TMEM132D: variants seen among roughly 807,000 people sequenced by gnomAD.
TMEM132D encodes the protein mature OL transmembrane protein.
Under a neutral mutation model 62.3 loss-of-function variants are expected in TMEM132D, and 21 were observed. That is an observed-to-expected ratio of 0.34 (90% CI 0.24 to 0.49). The LOEUF (loss-of-function observed/expected upper bound fraction) is 0.49, where lower values mean the gene tolerates loss of function less well. Among genes scored for constraint, TMEM132D ranks in the 20% least tolerant of loss-of-function variants. The pLI is 0.99. For missense variants in TMEM132D, 1,346 were observed against 1,402.8 expected (o/e 0.96, Z 0.65); for synonymous variants, 621 against 575.6 (o/e 1.08, Z -1.13).
chr12:129,519,245 G>C (rs1593048173), intron 3 of TMEM132D, among the ~76,000 whole-genome samples: 1 of 152,104 alleles, frequency 6.6e-6, no homozygotes, highest in East Asian at 1.9e-4. Context: ...GTCCTTCAAT[G>C]TTGAACCTCG....
intron 3 of TMEM132D, among the ~76,000 whole-genome samples, chr12:129,490,594 T>G (rs1874752197): frequency 1.9e-5 from 2 of 105,190 alleles, no homozygotes; most frequent in Non-Finnish European, 3.7e-5. Context: ...CACGCCCGGC[T>G]AATTTTTTTT....
intron 2 of TMEM132D, among the ~76,000 whole-genome samples, chr12:129,668,423 G>T (rs1880427413): frequency 2.0e-5 from 3 of 151,308 alleles, no homozygotes; most frequent in Non-Finnish European, 1.5e-5. Flanking sequence ...TCTTGCTTTG[G>T]TCCTTTTCAA....
chr12:129,811,000 T>C (rs1300129074), intron 1 of TMEM132D, among the ~76,000 whole-genome samples: 4 of 151,888 alleles, frequency 2.6e-5, no homozygotes, highest in Non-Finnish European at 5.9e-5. Context: ...TCAACACAAC[T>C]AAAATAAAAG....
chr12:129,305,320 A>T (rs1292020005), intron 4 of TMEM132D, among the ~76,000 whole-genome samples: 2 of 152,190 alleles, frequency 1.3e-5, no homozygotes, highest in Non-Finnish European at 2.9e-5. Context: ...AACAAATTCA[A>T]CACTCTCCTG....
chr12:129,358,045 G>C (rs10847836), intron 3 of TMEM132D, among the ~76,000 whole-genome samples: 3 of 151,916 alleles, frequency 2.0e-5, no homozygotes, highest in African/African-American at 4.8e-5. Context: ...AGTCAAATAT[G>C]CATGATCCTT....
At chr12:129,544,424 A>C (rs962944098) in intron 2 of TMEM132D, among the ~76,000 whole-genome samples, 2 of 152,244 alleles carry the variant, frequency 1.3e-5, no homozygotes, top group African/African-American at 4.8e-5. Flanking sequence ...TGATTCATCC[A>C]GTACCTGTTG....
intron 5 of TMEM132D, chr12:129,110,610 C>T (rs1178771704): frequency 6.6e-6 from 1 of 152,188 alleles, no homozygotes; most frequent in Non-Finnish European, 1.5e-5. Flanking sequence ...TAAGCACCTC[C>T]CTCCCCCTGA....
intron 1 of TMEM132D, among the ~76,000 whole-genome samples, chr12:129,824,862 C>A (rs1257529392): frequency 6.6e-6 from 1 of 152,180 alleles, no homozygotes; most frequent in East Asian, 1.9e-4. Flanking sequence ...CACTATCTGG[C>A]AAGTATTTCT....
At chr12:129,516,592 C>G (rs1478811276) in intron 3 of TMEM132D, among the ~76,000 whole-genome samples, 1 of 152,078 alleles carries the variant, frequency 6.6e-6, no homozygotes, top group Non-Finnish European at 1.5e-5. Flanking sequence ...GAGGAAACTG[C>G]CCCCATGATT....
intron 5 of TMEM132D, among the ~76,000 whole-genome samples, chr12:129,103,847 C>A (rs1252017587): frequency 6.6e-6 from 1 of 152,076 alleles, no homozygotes; most frequent in Non-Finnish European, 1.5e-5. Context: ...AGGTGAAGGA[C>A]CTCTTCAAGG....
At chr12:129,155,368 G>C (rs1877207163) in intron 5 of TMEM132D, among the ~76,000 whole-genome samples, 1 of 152,106 alleles carries the variant, frequency 6.6e-6, no homozygotes, top group Admixed American at 6.5e-5. Context: ...TGTTAGTTTT[G>C]TATAAAAAGC....
intron 1 of TMEM132D, among the ~76,000 whole-genome samples, chr12:129,825,614 G>A (rs1872643197): frequency 6.6e-6 from 1 of 152,042 alleles, no homozygotes; most frequent in Admixed American, 6.5e-5. Context: ...GCTGCATCTG[G>A]AGCCACTGTG....
intron 2 of TMEM132D, among the ~76,000 whole-genome samples, chr12:129,645,491 T>A (rs1288999284): frequency 6.6e-6 from 1 of 152,226 alleles, no homozygotes; most frequent in Non-Finnish European, 1.5e-5. Context: ...TCAGTCTGTC[T>A]TATGTCGGTG....
chr12:129,433,272 T>C (rs1434835855), intron 3 of TMEM132D, among the ~76,000 whole-genome samples: 2 of 152,218 alleles, frequency 1.3e-5, no homozygotes, highest in Non-Finnish European at 2.9e-5. Context: ...GGTATATATA[T>C]AGAAGTAAAA....
chr12:129,260,869 T>C (rs1481106811), intron 4 of TMEM132D, among the ~76,000 whole-genome samples: 16 of 152,248 alleles, frequency 1.1e-4, no homozygotes, highest in Admixed American at 1.0e-3. Flanking sequence ...GGCTGAATAG[T>C]ATTCAATGGT....
At chr12:129,652,426 A>G (rs1040178621) in intron 2 of TMEM132D, among the ~76,000 whole-genome samples, 5 of 152,150 alleles carry the variant, frequency 3.3e-5, no homozygotes, top group Admixed American at 3.3e-4. Flanking sequence ...AAAGAGAATT[A>G]AGGTTGAAGA....
At chr12:129,562,636 G>A (rs1433436695) in intron 2 of TMEM132D, among the ~76,000 whole-genome samples, 3 of 152,032 alleles carry the variant, frequency 2.0e-5, no homozygotes, top group Admixed American at 6.6e-5. Flanking sequence ...TTTCTAATAC[G>A]GGAAATGGTA....
chr12:129,152,485 A>G (rs1200409248), intron 5 of TMEM132D, among the ~76,000 whole-genome samples: 1 of 152,178 alleles, frequency 6.6e-6, no homozygotes, highest in Non-Finnish European at 1.5e-5. Context: ...TGCTGCTCGA[A>G]AATCCCCCAG....
chr12:129,446,642 G>A (rs1367276168), intron 3 of TMEM132D, among the ~76,000 whole-genome samples: 1 of 152,180 alleles, frequency 6.6e-6, no homozygotes, highest in African/African-American at 2.4e-5. Context: ...AGAGATGAAT[G>A]ATAAAAATAT....
Sources: gnomAD v4.1 joint callset for allele counts (sites outside exome capture counted in the v4.1 genomes callset) on GRCh38, gnomAD v4.1.1 for gene constraint, MANE v1.5 for transcripts, NCBI Gene and HGNC (gene_info 2026-07-23, HGNC 2026-07-21) for gene names.